The following NOD1 variants were observed in gnomAD, a reference collection of about 807,000 sequenced individuals.
The protein encoded by NOD1 is nucleotide-binding oligomerization domain-containing protein 1.
A neutral mutation model predicts 81.2 loss-of-function variants in NOD1; 70 were observed. That is an observed-to-expected ratio of 0.86 (90% CI 0.71 to 1.05). NOD1 has a LOEUF of 1.05. NOD1 is among the 50% of genes least tolerant of loss of function. The pLI, the probability that NOD1 is intolerant of heterozygous loss-of-function variation, is 0.00. For synonymous variants in NOD1, 508 were observed against 526.9 expected (o/e 0.96, Z 0.49); for missense variants, 1,233 against 1,228.0 (o/e 1.00, Z -0.06).
intron 1 of NOD1, among the ~76,000 whole-genome samples, chr7:30,463,270 ATTTTC>A (rs1394952521): frequency 1.3e-5 from 2 of 152,122 alleles, no homozygotes; most frequent in Non-Finnish European, 2.9e-5. Flanking sequence ...CATGAAATTG[ATTTTC>A]TTTTAAGGAA....
chr7:30,446,088 C>CG, intron 9 of NOD1, 53 bp downstream of exon 9: 1 of 1,307,070 alleles, frequency 7.7e-7, no homozygotes, highest in East Asian at 2.4e-5. Context: ...GCAAGGCCCG[C>CG]CCCCCACACA....
Position 30,436,149 on chromosome 7 carries a change from A to C in NOD1, c.2538-68T>G, listed in dbSNP as rs570155931. The C allele has an allele frequency of 7.0e-6, 9 of 1,290,210 alleles. No individual in the cohort carries two copies. The East Asian group carries it at 1.6e-4, about 23-fold the overall frequency. The allele number at this position is 1,290,210 out of a possible 1,614,324, so 79.9% of individuals were successfully genotyped here. A position where few individuals can be genotyped will look rare whatever the true frequency, so the allele number is the denominator to read the frequency against. The stretch of plus-strand genomic sequence containing the variant: ...TACATTCAATCTTAGCTTCAACATC[A>C]GAACAGCTGGGAAGCCTCTGCCTGG... On this transcript the variant is annotated intron_variant, in intron 10 of 13. Coordinates refer to ENST00000222823, the MANE Select transcript of NOD1 (RefSeq NM_006092.4).
rs142414986 is a variant in NOD1 at position 30,429,903 on chromosome 7, C to G, written c.2706-446G>C. ...GGGCATGGTGGTGTGCACCTGTACTCCCAGCTACTCGGGAGACTGAGGTAG... is the reference window on the plus strand; with the variant it reads ...GGGCATGGTGGTGTGCACCTGTACTGCCAGCTACTCGGGAGACTGAGGTAG... On this transcript the variant is annotated intron_variant, in intron 12 of 13. Transcript: ENST00000222823. Among the ~76,000 whole-genome samples, 1,454 of 152,230 alleles carry G rather than the reference C, an allele frequency of 9.6e-3. 28 individuals are homozygous for G. Among genetic ancestry groups the G allele is most frequent in the African/African-American group, 0.033 (1,389 of 41,522 alleles).
rs763422116 is a variant in NOD1 at position 30,452,826 on chromosome 7, G to GA, written c.590_591insT (p.Ile198HisfsTer6). On this transcript the variant is annotated frameshift_variant, in exon 6 of 14. Transcript: ENST00000222823. LOFTEE classifies it high-confidence loss of function. ...CCCCAGCATCACCCAGGATGAAGATGGTCTCACCCTGCTCATTGAGGATGC... is the reference window on the plus strand; with the variant it reads ...CCCCAGCATCACCCAGGATGAAGATGAGTCTCACCCTGCTCATTGAGGATGC... 2.2e-5 allele frequency: 36 copies of GA among 1,614,020 alleles called. No homozygotes were observed. The highest frequency in any genetic ancestry group is 3.1e-5 in the Non-Finnish European group (36 of 1,180,034).
At position 30,446,646 on chromosome 7, in the gene NOD1, G is replaced by C. The variant is rs538165331; in HGVS notation, c.2369+321C>G. Reference sequence around the variant, plus strand: ...GCAGGGCACACCTACAGCAGGGCAAGGGCCCAAGCTCTTCCTTGCAACCCG... The same window carrying C: ...GCAGGGCACACCTACAGCAGGGCAACGGCCCAAGCTCTTCCTTGCAACCCG... On this transcript the variant is annotated intron_variant, in intron 8 of 13. Transcript: ENST00000222823. 2 of 399,500 alleles carry C rather than the reference G, an allele frequency of 5.0e-6. 1 individual carries two copies. Among genetic ancestry groups the C allele is most frequent in the African/African-American group, 4.1e-5 (2 of 49,250 alleles). 24.7% of individuals were successfully genotyped at this position (399,500 alleles called of 1,614,324 possible). A position where few individuals can be genotyped will look rare whatever the true frequency, so the allele number is the denominator to read the frequency against.
rs762749593 is a variant in NOD1 at position 30,452,572 on chromosome 7, G to A, written c.845C>T (p.Thr282Ile). 6.2e-7 allele frequency: 1 copy of A among 1,613,480 alleles called. No individual in the cohort carries two copies. The highest frequency in any genetic ancestry group is 8.5e-7 in the Non-Finnish European group (1 of 1,180,004). Residue 282 changes from threonine (T) to isoleucine (I), a missense_variant, in exon 6 of 14, where the codon ACC becomes ATC. Coordinates refer to ENST00000222823, the MANE Select transcript of NOD1 (RefSeq NM_006092.4). ...LLRFPHVALFTFDGLDELHSD... is the reference protein window; with the variant it reads ...LLRFPHVALFIFDGLDELHSD... The stretch of plus-strand genomic sequence containing the variant: ...GTGCAGCTCGTCCAGGCCATCGAAG[G>A]TGAAGAGGGCCACGTGGGGGAAGCG...
chr7:30,455,067 C>T, intron 5 of NOD1, 70 bp downstream of exon 5: 1 of 1,499,866 alleles, frequency 6.7e-7, no homozygotes, highest in Non-Finnish European at 9.2e-7. Context: ...AGGGCTGGCC[C>T]AGCCATTACC....
chr7:30,434,689 T>C (rs1784239718), intron 11 of NOD1, among the ~76,000 whole-genome samples: 1 of 152,262 alleles, frequency 6.6e-6, no homozygotes, highest in Non-Finnish European at 1.5e-5. Context: ...GGTACTTTCA[T>C]GTCCTCCTTT....
chr7:30,465,701 T>G (rs1035001552), intron 1 of NOD1, among the ~76,000 whole-genome samples: 1 of 152,208 alleles, frequency 6.6e-6, no homozygotes, highest in African/African-American at 2.4e-5. Flanking sequence ...TAACACAGCT[T>G]TCCATAAATT....
At position 30,437,183 on chromosome 7, in the gene NOD1, A is replaced by G. The variant is rs374237684; in HGVS notation, c.2537+390T>C. 1.6e-4 allele frequency among the ~76,000 whole-genome samples: 24 copies of G among 151,240 alleles called. No homozygotes were observed. In the East Asian group the frequency reaches 4.7e-3, roughly 30 times the overall value. On this transcript the variant is annotated intron_variant, in intron 10 of 13. Coordinates refer to ENST00000222823, the MANE Select transcript of NOD1 (RefSeq NM_006092.4). ...AGTGGGAGTTGAACAATGAGAACACATGGACACATGGAGGGGAACAACACA... is the reference window on the plus strand; with the variant it reads ...AGTGGGAGTTGAACAATGAGAACACGTGGACACATGGAGGGGAACAACACA...
chr7:30,465,956 C>A (rs948440284), intron 1 of NOD1, among the ~76,000 whole-genome samples: 1 of 152,238 alleles, frequency 6.6e-6, no homozygotes, highest in African/African-American at 2.4e-5. Flanking sequence ...TGGAACCTGG[C>A]CCAGTGCCAT....
intron 12 of NOD1, 22 bp from the exon 13 acceptor site, chr7:30,429,479 T>C (rs759715618): frequency 2.5e-6 from 4 of 1,606,108 alleles, no homozygotes; most frequent in Non-Finnish European, 3.4e-6. Flanking sequence ...ACATAACTTG[T>C]ATAAAATCCA....
At chr7:30,464,094 T>C (rs1163450485) in intron 1 of NOD1, 4 of 152,222 alleles carry the variant, frequency 2.6e-5, no homozygotes, top group Non-Finnish European at 4.4e-5. Flanking sequence ...TTCCCTGGTT[T>C]TTCTCTTATA....
intron 1 of NOD1, among the ~76,000 whole-genome samples, chr7:30,461,762 G>T (rs1340798487): frequency 6.6e-6 from 1 of 151,894 alleles, no homozygotes; most frequent in Non-Finnish European, 1.5e-5. Flanking sequence ...TTGTTGAGAC[G>T]GAGTCTCGCT....
chr7:30,452,592 G>A lies in NOD1; in HGVS notation c.825C>T (p.Phe275=). 3 of 1,613,602 alleles carry A rather than the reference G, an allele frequency of 1.9e-6. No homozygotes were observed. The highest frequency in any genetic ancestry group is 2.2e-5 in the South Asian group (2 of 91,090). Reference sequence around the variant, plus strand: ...CGAAGGTGAAGAGGGCCACGTGGGGGAAGCGCAGCAGGAAGGCAAACACCT... The same window carrying A: ...CGAAGGTGAAGAGGGCCACGTGGGGAAAGCGCAGCAGGAAGGCAAACACCT... ...PEEVFAFLLR[F]PHVALFTFDG... The change falls in exon 6 of 14, where the codon TTC becomes TTT. Residue 275 remains phenylalanine, a synonymous_variant. Coordinates refer to ENST00000222823, the MANE Select transcript of NOD1 (RefSeq NM_006092.4).
Position 30,451,436 on chromosome 7 carries a change from C to G in NOD1, c.1981G>C (p.Glu661Gln). The change falls in exon 6 of 14, where the codon GAG (glutamate) becomes CAG (glutamine). Residue 661 changes from glutamate (E) to glutamine (Q), a missense_variant. By Grantham distance (29) the Glu-to-Gln change is conservative. Transcript: ENST00000222823. This position sits in a 1 kb window ranked among gnomAD's most constrained non-coding sequence, Gnocchi z 4.2. ...TGCCCCACCTTCTGGCTCTGTGTCT[C>G]GTAGATGCAGCGCAGCATCCAGATG... ...TFIWMLRCIYETQSQKVGQLA... is the reference protein window; with the variant it reads ...TFIWMLRCIYQTQSQKVGQLA... 6.2e-7 allele frequency: 1 copy of G among 1,613,728 alleles called. No homozygotes were observed. Among genetic ancestry groups the G allele is most frequent in the Non-Finnish European group, 8.5e-7 (1 of 1,179,992 alleles).
At chr7:30,450,368 C>G (rs913611033) in intron 6 of NOD1, among the ~76,000 whole-genome samples, 1 of 152,212 alleles carries the variant, frequency 6.6e-6, no homozygotes, top group Non-Finnish European at 1.5e-5. Flanking sequence ...TATTTACACT[C>G]TGACACTGGT....
intron 1 of NOD1, among the ~76,000 whole-genome samples, chr7:30,475,574 C>A (rs897738812): frequency 1.3e-5 from 2 of 152,198 alleles, no homozygotes; most frequent in Non-Finnish European, 2.9e-5. Context: ...GGGAACTCTG[C>A]CCCATTAGAG....
chr7:30,453,128 C>G, intron 5 of NOD1, 88 bp from the exon 6 acceptor site: 1 of 1,432,632 alleles, frequency 7.0e-7, no homozygotes, highest in Non-Finnish European at 9.4e-7. Flanking sequence ...AGAGGAGAGG[C>G]GAGTGCATAA....
Sources: allele counts gnomAD v4.1 joint callset (sites outside exome capture counted in the v4.1 genomes callset), GRCh38; gene constraint gnomAD v4.1.1; non-coding constraint Gnocchi (gnomAD v3.1); transcripts MANE v1.5; gene names NCBI Gene and HGNC (gene_info 2026-07-23, HGNC 2026-07-21).